HLA-DPA1: variants seen among roughly 807,000 people sequenced by gnomAD.
The protein encoded by HLA-DPA1 is HLA class II histocompatibility antigen, DP alpha 1 chain.
In HLA-DPA1, 20 loss-of-function variants were observed where a neutral mutation model predicts 21.5. The ratio of observed to expected loss-of-function variants is 0.93; its 90% CI spans 0.66 to 1.35. The LOEUF is 1.35. Among genes scored for constraint, HLA-DPA1 ranks in the 40% most tolerant of loss-of-function variants. HLA-DPA1 has a pLI of 0.00. For missense variants in HLA-DPA1, 279 were observed against 323.0 expected (o/e 0.86, Z 1.05); for synonymous variants, 123 against 129.6 (o/e 0.95, Z 0.35).
At chr6:33,068,079 G>A (rs1268775562) in intron 5 of HLA-DPA1, 5 of 152,242 alleles carry the variant, frequency 3.3e-5, no homozygotes, top group African/African-American at 1.2e-4. Flanking sequence ...TAAGATCTCT[G>A]GAGGGGCATT....
At chr6:33,079,435 T>A (rs146054813) in intron 1 of HLA-DPA1, 1 of 233,222 alleles carries the variant, frequency 4.3e-6, no homozygotes, top group East Asian at 1.2e-4. Context: ...CTGGCAGCCA[T>A]CTCTTCCTCC....
At chr6:33,075,518 AAGAC>A (rs1762493162) in intron 1 of HLA-DPA1, among the ~76,000 whole-genome samples, 2 of 152,278 alleles carry the variant, frequency 1.3e-5, no homozygotes, top group African/African-American at 4.8e-5. Flanking sequence ...GGACAAAGGC[AAGAC>A]AGACAGACTC....
At position 33,080,460 on chromosome 6, in the gene HLA-DPA1, A is replaced by T; in HGVS notation, c.-100+220T>A. 2 of 744,042 alleles carry T rather than the reference A, an allele frequency of 2.7e-6. No individual in the cohort carries two copies. The highest frequency in any genetic ancestry group is 4.8e-6 in the Non-Finnish European group (2 of 414,564). 46.1% of individuals were successfully genotyped at this position (744,042 alleles called of 1,614,324 possible). On this transcript the variant is annotated intron_variant, in intron 1 of 5. Coordinates refer to ENST00000419277, the Ensembl canonical transcript of HLA-DPA1. This position sits in a 1 kb window ranked among gnomAD's most constrained non-coding sequence, Gnocchi z 4.3. ...CAGTGCCCCTGAGCTCATTCTTTTC[A>T]GTAAATTCTCTCTCTGCGTGGTGAG...
chr6:33,076,250 T>A, intron 1 of HLA-DPA1: 1 of 710,086 alleles, frequency 1.4e-6, no homozygotes, highest in Non-Finnish European at 2.4e-6. Context: ...GCTCCTGCCC[T>A]AAGGCAGTGT....
At position 33,071,186 on chromosome 6, in the gene HLA-DPA1, T is replaced by C. The variant is rs149563667; in HGVS notation, c.101-1300A>G. 3.6e-3 allele frequency among the ~76,000 whole-genome samples: 541 copies of C among 152,268 alleles called. 3 individuals carry two copies. Among genetic ancestry groups the C allele is most frequent in the East Asian group, 0.026 (133 of 5,190 alleles). On this transcript the variant is annotated intron_variant, in intron 2 of 5. Coordinates refer to ENST00000419277, the Ensembl canonical transcript of HLA-DPA1. Reference sequence around the variant, plus strand: ...GACTCCTTGCCACTGTAATTGTAAGTGTCTAGAGGGTATGACCTGTGTCTT... The same window carrying C: ...GACTCCTTGCCACTGTAATTGTAAGCGTCTAGAGGGTATGACCTGTGTCTT...
chr6:33,076,026 AT>A, intron 1 of HLA-DPA1: 1 of 1,602,866 alleles, frequency 6.2e-7, no homozygotes, highest in Non-Finnish European at 8.5e-7. Flanking sequence ...TCATTTTGCC[AT>A]CCTTTTCCAG....
chr6:33,071,636 G>A lies in HLA-DPA1; in HGVS notation c.101-1750C>T, dbSNP rs2395311. ...AATACATACGTCCTGTTCTGCAGAC[G>A]CGTATAAGTCACAGAAGGAAACACA... is the stretch of plus-strand genomic sequence containing the variant. On this transcript the variant is annotated intron_variant, in intron 2 of 5. Coordinates refer to ENST00000419277, the Ensembl canonical transcript of HLA-DPA1. Among the ~76,000 whole-genome samples the A allele has an allele frequency of 9.5e-4, 144 of 152,260 alleles. 1 individual carries two copies. The highest frequency in any genetic ancestry group is 9.0e-3 in the Admixed American group (138 of 15,294).
intron 1 of HLA-DPA1, chr6:33,079,799 C>T (rs2150370913): frequency 4.3e-6 from 2 of 464,824 alleles, no homozygotes; most frequent in South Asian, 3.2e-5. Flanking sequence ...GAAAGAGTCA[C>T]CCAGCCGGCC....
chr6:33,078,021 G>C (rs867077277), intron 1 of HLA-DPA1, among the ~76,000 whole-genome samples: 2 of 152,068 alleles, frequency 1.3e-5, no homozygotes, highest in African/African-American at 2.4e-5. Flanking sequence ...AGCAGCACTG[G>C]TGACACTGAA....
intron 1 of HLA-DPA1, among the ~76,000 whole-genome samples, chr6:33,076,689 C>T (rs983413040): frequency 6.6e-6 from 1 of 152,156 alleles, no homozygotes; most frequent in Non-Finnish European, 1.5e-5. Context: ...AAAGGTACTT[C>T]TCCCAGCCTC....
chr6:33,071,791 A>G (rs1308666708), intron 2 of HLA-DPA1, among the ~76,000 whole-genome samples: 1 of 143,744 alleles, frequency 7.0e-6, no homozygotes, highest in Non-Finnish European at 1.5e-5. Context: ...TTCAGAAAAC[A>G]GGGCAAAAGC....
At chr6:33,066,051 A>G (rs1423033904) in intron 5 of HLA-DPA1, 1 of 152,132 alleles carries the variant, frequency 6.6e-6, no homozygotes, top group Non-Finnish European at 1.5e-5. Flanking sequence ...CATCCCCTAC[A>G]TCACCCTAGT....
At chr6:33,069,095 A>G in exon 4 of HLA-DPA1, 1 of 1,613,068 alleles carries the variant, frequency 6.2e-7, no homozygotes, top group Non-Finnish European at 8.5e-7. Flanking sequence ...CTGAGGGCAC[A>G]AAGGTCAGGT....
intron 1 of HLA-DPA1, among the ~76,000 whole-genome samples, chr6:33,074,590 T>A (rs1358027215): frequency 6.6e-6 from 1 of 152,252 alleles, no homozygotes; most frequent in South Asian, 2.1e-4. Context: ...GAAGTACATA[T>A]ATTACGTTAA....
chr6:33,069,702 A>G lies in HLA-DPA1; in HGVS notation c.285T>C (p.Ala95=), dbSNP rs763844488. The G allele has an allele frequency of 3.1e-6, 5 of 1,612,764 alleles. No individual in the cohort carries two copies. The Admixed American group carries it at 8.3e-5, about 27-fold the overall frequency. The change falls in exon 3 of 6, where the codon GCT becomes GCC. Residue 95 remains alanine (A), a synonymous_variant. Coordinates refer to ENST00000419277, the Ensembl canonical transcript of HLA-DPA1. ...AGGTATTCAAGTTGTTGTTCAATAT[A>G]GCAATGTTAGCCAGCCCGCCCTGAG...
intron 2 of HLA-DPA1, among the ~76,000 whole-genome samples, chr6:33,072,204 A>T (rs987142086): frequency 2.0e-5 from 3 of 152,216 alleles, no homozygotes; most frequent in Admixed American, 2.0e-4. Flanking sequence ...AACCCACTGA[A>T]TTTGACCTTC....
At chr6:33,064,881 T>C (rs992978400) in exon 6 of HLA-DPA1, 3 of 152,212 alleles carry the variant, frequency 2.0e-5, no homozygotes, top group African/African-American at 7.2e-5. Flanking sequence ...TCCTCAGACC[T>C]TTCCGTTCAA....
exon 4 of HLA-DPA1, chr6:33,069,120 A>G: frequency 6.2e-7 from 1 of 1,613,052 alleles, no homozygotes; most frequent in Non-Finnish European, 8.5e-7. Context: ...GAACTTGTGG[A>G]AGCTGTAATC....
intron 2 of HLA-DPA1, among the ~76,000 whole-genome samples, chr6:33,070,918 C>T (rs1762245521): frequency 1.3e-5 from 2 of 152,104 alleles, no homozygotes; most frequent in African/African-American, 2.4e-5. Context: ...TATTTTGTTT[C>T]TTAGTCTTTA....
Sources: gnomAD v4.1 joint callset for allele counts (sites outside exome capture counted in the v4.1 genomes callset) on GRCh38, gnomAD v4.1.1 for gene constraint, Gnocchi (gnomAD v3.1) non-coding constraint, MANE v1.5 for transcripts, NCBI Gene and HGNC (gene_info 2026-07-23, HGNC 2026-07-21) for gene names.